Variants in RASD2 observed in about 807,000 individuals in gnomAD.
RASD2 encodes RASD family member 2, also known as GTP-binding protein Rhes.
RASD2 carries 7 observed loss-of-function variants against 15.8 expected under a neutral mutation model. That is an observed-to-expected ratio of 0.44 (90% CI 0.25 to 0.83). RASD2 has a LOEUF of 0.83. RASD2 is among the 40% of genes least tolerant of loss of function. The pLI is 0.20. For synonymous variants in RASD2, 155 were observed against 153.6 expected, an observed-to-expected ratio of 1.01 and a Z score of -0.07; for missense variants, 274 against 382.8, an observed-to-expected ratio of 0.72 and a Z score of 2.37.
upstream of RASD2, among the ~76,000 whole-genome samples, chr22:35,538,903 C>T (rs181334663): frequency 7.1e-4 from 108 of 152,336 alleles, no homozygotes; most frequent in African/African-American, 2.6e-3. Flanking sequence ...CACAAACCCT[C>T]CCGGGCTGAA....
rs1320776758 is a variant in RASD2 at position 35,552,838 on chromosome 22, C to T, written c.*806C>T. 6.5e-6 allele frequency: 1 copy of T among 152,778 alleles called. No homozygotes were observed. The highest frequency in any genetic ancestry group is 1.5e-5 in the Non-Finnish European group (1 of 68,138). 9.5% of individuals were successfully genotyped at this position (152,778 alleles called of 1,614,324 possible). The stretch of plus-strand genomic sequence containing the variant: ...CTCACCCAGTTCAGATCCACGGCCT[C>T]CACCCGGGACGCCTTCCTCCTCTGC... On this transcript the variant is annotated 3_prime_UTR_variant, in exon 3 of 3. Transcript: ENST00000216127.
intron 1 of RASD2, among the ~76,000 whole-genome samples, chr22:35,542,196 T>C (rs1404876827): frequency 6.6e-6 from 1 of 152,156 alleles, no homozygotes; most frequent in African/African-American, 2.4e-5. Context: ...CAGGAGCCAG[T>C]GAATCAAGCC....
rs73883461 is a variant in RASD2 at position 35,551,023 on chromosome 22, C to G, written c.272-480C>G. 0.019 allele frequency among the ~76,000 whole-genome samples: 2,828 copies of G among 152,290 alleles called. 102 individuals carry two copies. The highest frequency in any genetic ancestry group is 0.066 in the African/African-American group (2,723 of 41,538). On this transcript the variant is annotated intron_variant, in intron 2 of 2. Coordinates refer to ENST00000216127, the MANE Select transcript of RASD2 (RefSeq NM_014310.4). This position sits in a 1 kb window ranked among gnomAD's most constrained non-coding sequence, Gnocchi z 4.9. The stretch of plus-strand genomic sequence containing the variant: ...AAGGTAATATTTCATCTTCATGAAA[C>G]AGACAGAGAAACTGAGGTTACAGAG...
Position 35,547,472 on chromosome 22 carries a change from C to T in RASD2, c.271+392C>T, listed in dbSNP as rs529765109. Among the ~76,000 whole-genome samples, 3 of 152,330 alleles carry T rather than the reference C, an allele frequency of 2.0e-5. No individual in the cohort carries two copies. The South Asian group carries it at 6.2e-4, about 32-fold the overall frequency. The stretch of plus-strand genomic sequence containing the variant: ...GGGCTCAGGTCTCCCACACCCCAGG[C>T]CTTTGCCACCTCCTAGAGAGGTAAG... On this transcript the variant is annotated intron_variant, in intron 2 of 2. Coordinates refer to ENST00000216127, the MANE Select transcript of RASD2 (RefSeq NM_014310.4).
At position 35,547,254 on chromosome 22, in the gene RASD2, G is replaced by C. The variant is rs115672247; in HGVS notation, c.271+174G>C. Reference sequence around the variant, plus strand: ...ATGTGCTGGAAATAGTGATGAAGTCGGGGGCCCCGATTCCATTCTGTTAGA... The same window carrying C: ...ATGTGCTGGAAATAGTGATGAAGTCCGGGGCCCCGATTCCATTCTGTTAGA... On this transcript the variant is annotated intron_variant, in intron 2 of 2. Transcript: ENST00000216127. 9.3e-3 allele frequency among the ~76,000 whole-genome samples: 1,412 copies of C among 152,326 alleles called. 27 individuals carry two copies. The highest frequency in any genetic ancestry group is 0.032 in the African/African-American group (1,330 of 41,570).
At chr22:35,549,887 G>A (rs1934613303) in intron 2 of RASD2, among the ~76,000 whole-genome samples, 1 of 152,176 alleles carries the variant, frequency 6.6e-6, no homozygotes, top group Non-Finnish European at 1.5e-5. Flanking sequence ...AAGAATTTGG[G>A]CCAATTGCTG....
intron 1 of RASD2, among the ~76,000 whole-genome samples, chr22:35,543,865 G>C (rs1934419989): frequency 6.8e-6 from 1 of 147,472 alleles, no homozygotes; most frequent in Non-Finnish European, 1.5e-5. Context: ...CTGTCTCCCT[G>C]CCTCCTCTGT....
At chr22:35,542,552 G>C (rs111457673) in intron 1 of RASD2, among the ~76,000 whole-genome samples, 2 of 152,350 alleles carry the variant, frequency 1.3e-5, no homozygotes, top group African/African-American at 4.8e-5. Context: ...GAGCTGCCAA[G>C]GGTGGTGGGG....
intron 1 of RASD2, among the ~76,000 whole-genome samples, chr22:35,542,803 G>A (rs1049887432): frequency 6.6e-6 from 1 of 152,218 alleles, no homozygotes; most frequent in African/African-American, 2.4e-5. Context: ...GAGGCTCAAG[G>A]GAGAAGTGGT....
At chr22:35,545,300 G>A (rs191780093) in intron 1 of RASD2, among the ~76,000 whole-genome samples, 3 of 152,320 alleles carry the variant, frequency 2.0e-5, no homozygotes, top group East Asian at 3.9e-4. Context: ...GCCAGGAAGC[G>A]ATGGTGTTGG....
At chr22:35,534,170 T>C in the RASD2 span, among the ~76,000 whole-genome samples, 11 of 152,246 alleles carry the variant, frequency 7.2e-5, no homozygotes, top group African/African-American at 2.7e-4. Context: ...TTTGGGCAAG[T>C]TGTGGAATAT....
intron 1 of RASD2, among the ~76,000 whole-genome samples, chr22:35,542,980 C>G (rs1200916926): frequency 6.6e-6 from 1 of 152,196 alleles, no homozygotes; most frequent in Non-Finnish European, 1.5e-5. Context: ...TTCACTGAGA[C>G]AGACAGTGTT....
intron 1 of RASD2, among the ~76,000 whole-genome samples, chr22:35,541,792 C>T (rs769968941): frequency 6.6e-6 from 1 of 152,176 alleles, no homozygotes; most frequent in Non-Finnish European, 1.5e-5. Context: ...GTGCCACAGG[C>T]TTTGCATTTA....
At chr22:35,546,732 G>A in intron 1 of RASD2, 69 bp from the exon 2 acceptor site, 1 of 1,550,314 alleles carries the variant, frequency 6.5e-7, no homozygotes, top group Non-Finnish European at 8.7e-7. Flanking sequence ...CAGAGGCCTA[G>A]AGGAGGCCAA....
At chr22:35,546,762 G>A (rs369002123) in intron 1 of RASD2, 39 bp from the exon 2 acceptor site, 131 of 1,588,444 alleles carry the variant, frequency 8.2e-5, no homozygotes, top group Admixed American at 1.0e-4. Context: ...GGGCCAGGTC[G>A]GGGGGGCCCT....
rs1052359290 is a variant in RASD2 at position 35,551,432 on chromosome 22, G to A, written c.272-71G>A. ...GTGACTCCCAGCTCTTAGGGCTGAT[G>A]TTCTGTGGCCAGAGGAGGGCAGGGG... On this transcript the variant is annotated intron_variant, in intron 2 of 2. Coordinates refer to ENST00000216127, the MANE Select transcript of RASD2 (RefSeq NM_014310.4). This position sits in a 1 kb window ranked among gnomAD's most constrained non-coding sequence, Gnocchi z 4.9. 141 of 1,505,314 alleles carry A rather than the reference G, an allele frequency of 9.4e-5. No homozygotes were observed. The highest frequency in any genetic ancestry group is 1.3e-4 in the Non-Finnish European group (139 of 1,104,798). 93.2% of individuals were successfully genotyped at this position (1,505,314 alleles called of 1,614,324 possible). A position where few individuals can be genotyped will look rare whatever the true frequency, so the allele number is the denominator to read the frequency against.
chr22:35,544,514 CAA>C (rs1279819042), intron 1 of RASD2, among the ~76,000 whole-genome samples: 1 of 152,234 alleles, frequency 6.6e-6, no homozygotes, highest in Admixed American at 6.5e-5. Context: ...CAGGCAAACC[CAA>C]AGACAGAGCC....
At chr22:35,539,170 C>A (rs1439141379), upstream of RASD2, among the ~76,000 whole-genome samples, 1 of 152,194 alleles carries the variant, frequency 6.6e-6, no homozygotes, top group Admixed American at 6.5e-5. Flanking sequence ...AAGTCCCAGG[C>A]CATTTTAGTA....
intron 1 of RASD2, among the ~76,000 whole-genome samples, chr22:35,545,541 G>A (rs1934477393): frequency 1.3e-5 from 2 of 152,184 alleles, no homozygotes; most frequent in Non-Finnish European, 2.9e-5. Flanking sequence ...ACAACCTGTG[G>A]CAGCCTGTGG....
Sources: allele counts gnomAD v4.1 joint callset (sites outside exome capture counted in the v4.1 genomes callset), GRCh38; gene constraint gnomAD v4.1.1; non-coding constraint Gnocchi (gnomAD v3.1); transcripts MANE v1.5; gene names NCBI Gene and HGNC (gene_info 2026-07-23, HGNC 2026-07-21).